THRB: variants seen among roughly 807,000 people sequenced by gnomAD.
THRB encodes the protein thyroid hormone receptor beta, also known as nuclear receptor subfamily 1 group A member 2.
Under a neutral mutation model 47.8 loss-of-function variants are expected in THRB, and 12 were observed. The ratio of observed to expected loss-of-function variants is 0.25; its 90% CI spans 0.16 to 0.41. The LOEUF is 0.41. Among genes scored for constraint, THRB ranks in the 10% least tolerant of loss-of-function variants. The pLI is 1.00. For synonymous variants in THRB, 218 were observed against 212.2 expected (o/e 1.03, Z -0.24); for missense variants, 348 against 589.2 (o/e 0.59, Z 4.24).
intron 2 of THRB, among the ~76,000 whole-genome samples, chr3:24,302,366 T>A (rs1013425868): frequency 5.3e-5 from 8 of 152,208 alleles, no homozygotes; most frequent in African/African-American, 1.7e-4. Flanking sequence ...TTTTATAGAT[T>A]TTGTTTTATG....
chr3:24,336,496 A>G (rs1318599254), intron 2 of THRB, among the ~76,000 whole-genome samples: 1 of 152,228 alleles, frequency 6.6e-6, no homozygotes, highest in Non-Finnish European at 1.5e-5. Flanking sequence ...GAAAGTTCTG[A>G]CACAACCTTA....
At chr3:24,374,972 TA>T (rs2065165921) in intron 1 of THRB, among the ~76,000 whole-genome samples, 1 of 152,128 alleles carries the variant, frequency 6.6e-6, no homozygotes, top group African/African-American at 2.4e-5. Flanking sequence ...CAAATGTGCT[TA>T]AAATAGTCTA....
intron 1 of THRB, among the ~76,000 whole-genome samples, chr3:24,474,657 T>A (rs1695182859): frequency 6.6e-6 from 1 of 152,116 alleles, no homozygotes; most frequent in Non-Finnish European, 1.5e-5. Context: ...AAATACACAA[T>A]CCTTCCAGGA....
chr3:24,258,052 T>C (rs1056666530), intron 3 of THRB, among the ~76,000 whole-genome samples: 1 of 152,168 alleles, frequency 6.6e-6, no homozygotes, highest in Non-Finnish European at 1.5e-5. Context: ...AACACTCTCT[T>C]TGTATGAATT....
At chr3:24,258,522 C>A (rs548014307) in intron 3 of THRB, among the ~76,000 whole-genome samples, 1 of 152,244 alleles carries the variant, frequency 6.6e-6, no homozygotes, top group African/African-American at 2.4e-5. Flanking sequence ...TAGTACCATA[C>A]GGGTAATCAT....
chr3:24,212,186 C>G (rs545203866), intron 4 of THRB, among the ~76,000 whole-genome samples: 8 of 152,114 alleles, frequency 5.3e-5, no homozygotes, highest in Admixed American at 1.3e-4. Context: ...ATCACGAAGT[C>G]AGGAGTTCGA....
intron 3 of THRB, among the ~76,000 whole-genome samples, chr3:24,268,852 T>C (rs938103545): frequency 6.6e-6 from 1 of 151,886 alleles, no homozygotes; most frequent in African/African-American, 2.4e-5. Flanking sequence ...TATAAATAAT[T>C]AAGCAATATA....
At chr3:24,347,600 GA>G (rs943962391) in intron 1 of THRB, among the ~76,000 whole-genome samples, 17 of 148,374 alleles carry the variant, frequency 1.1e-4, no homozygotes, top group Non-Finnish European at 2.1e-4. Flanking sequence ...TCTTTTTAAA[GA>G]AAAAAACCTT....
At chr3:24,231,787 G>A (rs952474967) in intron 3 of THRB, among the ~76,000 whole-genome samples, 1 of 152,126 alleles carries the variant, frequency 6.6e-6, no homozygotes, top group East Asian at 1.9e-4. Context: ...ATCCCAAGAT[G>A]GTCCTTTCCA....
At chr3:24,156,122 C>G (rs1559472440) in intron 5 of THRB, among the ~76,000 whole-genome samples, 1 of 152,208 alleles carries the variant, frequency 6.6e-6, no homozygotes, top group East Asian at 1.9e-4. Flanking sequence ...TAAGTATTAT[C>G]TTGAATATCT....
intron 2 of THRB, among the ~76,000 whole-genome samples, chr3:24,328,464 C>A (rs1247289804): frequency 6.6e-6 from 1 of 152,204 alleles, no homozygotes; most frequent in African/African-American, 2.4e-5. Context: ...AACTCACCTT[C>A]TCCAGTCCCT....
chr3:24,451,291 T>A (rs1577666903), intron 1 of THRB, among the ~76,000 whole-genome samples: 1 of 145,116 alleles, frequency 6.9e-6, no homozygotes, highest in East Asian at 2.0e-4. Flanking sequence ...TGGAGTGCAG[T>A]GGCGCGATCT....
At chr3:24,473,019 C>T (rs1694930859) in intron 1 of THRB, among the ~76,000 whole-genome samples, 1 of 152,164 alleles carries the variant, frequency 6.6e-6, no homozygotes, top group African/African-American at 2.4e-5. Flanking sequence ...TATATACAAT[C>T]TACTTCCTTC....
At chr3:24,260,723 C>T (rs2051872502) in intron 3 of THRB, among the ~76,000 whole-genome samples, 1 of 152,148 alleles carries the variant, frequency 6.6e-6, no homozygotes, top group African/African-American at 2.4e-5. Context: ...CTCCTGTCTC[C>T]CCAGATCTCC....
At chr3:24,198,035 G>C (rs541800819) in intron 4 of THRB, among the ~76,000 whole-genome samples, 3 of 152,328 alleles carry the variant, frequency 2.0e-5, no homozygotes, top group East Asian at 3.9e-4. Context: ...CTGGTCACCA[G>C]AGGGCAGGCT....
Position 24,172,663 on chromosome 3 carries a change from G to A in THRB, c.283+17411C>T, listed in dbSNP as rs531594805. On this transcript the variant is annotated intron_variant, in intron 5 of 10. Coordinates refer to ENST00000646209, the MANE Select transcript of THRB (RefSeq NM_001354712.2). ...AAAAGGGAATGGATTCTGATCTGGT[G>A]CAGTGGAAAAAAATTGGCTCTGATT... Among the ~76,000 whole-genome samples the A allele has an allele frequency of 7.9e-5, 12 of 152,244 alleles. No individual in the cohort carries two copies. In the South Asian group the frequency reaches 2.1e-3, roughly 26 times the overall value.
intron 3 of THRB, among the ~76,000 whole-genome samples, chr3:24,249,693 A>T (rs1479678631): frequency 6.6e-6 from 1 of 152,226 alleles, no homozygotes; most frequent in African/African-American, 2.4e-5. Context: ...AGCTGGCTCC[A>T]GGAGTGAGTC....
At chr3:24,353,310 T>G (rs2063474779) in intron 1 of THRB, among the ~76,000 whole-genome samples, 1 of 152,138 alleles carries the variant, frequency 6.6e-6, no homozygotes, top group South Asian at 2.1e-4. Context: ...CACACAGCCA[T>G]GAATTGCTTG....
At chr3:24,430,626 TA>T (rs1363041032) in intron 1 of THRB, 2 of 152,000 alleles carry the variant, frequency 1.3e-5, no homozygotes, top group South Asian at 2.1e-4. Flanking sequence ...ATTTAAGTAC[TA>T]AAAGAAAGAA....
Sources: gnomAD v4.1 joint callset for allele counts (sites outside exome capture counted in the v4.1 genomes callset) on GRCh38, gnomAD v4.1.1 for gene constraint, MANE v1.5 for transcripts, NCBI Gene and HGNC (gene_info 2026-07-23, HGNC 2026-07-21) for gene names.